Variants in TMEM184B observed in about 807,000 individuals in gnomAD.
TMEM184B encodes transmembrane protein 184B.
Under a neutral mutation model 41.8 loss-of-function variants are expected in TMEM184B, and 17 were observed. The ratio of observed to expected loss-of-function variants is 0.41; its 90% confidence interval spans 0.28 to 0.61. TMEM184B has a LOEUF of 0.61. Ranked by LOEUF, TMEM184B falls within the 20% of genes least tolerant of loss-of-function variation. The pLI is 0.34. For synonymous variants in TMEM184B, 240 were observed against 229.5 expected (o/e 1.05, Z -0.41); for missense variants, 393 against 557.8 (o/e 0.70, Z 2.98).
chr22:38,225,066 A>G lies in TMEM184B; in HGVS notation c.788-87T>C. The G allele has an allele frequency of 1.4e-6, 2 of 1,385,762 alleles. No individual in the cohort carries two copies. The highest frequency in any genetic ancestry group is 1.9e-6 in the Non-Finnish European group (2 of 1,038,004). The allele number at this position is 1,385,762 out of a possible 1,614,324, so 85.8% of individuals were successfully genotyped here. ...CACAATGCCCCATTCAGCTGCCCAC[A>G]TGCCCCAGTGAGGATGTGAGCAGGG... On this transcript the variant is annotated intron_variant, in intron 7 of 8. Coordinates refer to ENST00000361906, the MANE Select transcript of TMEM184B (RefSeq NM_012264.5). The surrounding 1 kb of genome is among the most constrained non-coding windows in gnomAD (Gnocchi z 4.4).
chr22:38,237,070 G>A (rs530148439), intron 3 of TMEM184B, among the ~76,000 whole-genome samples: 19 of 152,254 alleles, frequency 1.2e-4, no homozygotes, highest in Non-Finnish European at 2.6e-4. Context: ...GTAGGAAGCT[G>A]TAGGCCAAGA....
chr22:38,267,465 C>T (rs563359011), intron 1 of TMEM184B, among the ~76,000 whole-genome samples: 1 of 146,146 alleles, frequency 6.8e-6, no homozygotes, highest in African/African-American at 2.5e-5. Flanking sequence ...GATGGAGTTT[C>T]GCTGTCACCC....
intron 3 of TMEM184B, among the ~76,000 whole-genome samples, chr22:38,243,296 G>A (rs150628238): frequency 3.3e-5 from 5 of 152,318 alleles, no homozygotes; most frequent in Non-Finnish European, 4.4e-5. Flanking sequence ...ATCTGCTGCC[G>A]CCTCTGGGGC....
intron 1 of TMEM184B, among the ~76,000 whole-genome samples, chr22:38,248,477 CTG>C (rs1196092846): frequency 6.6e-6 from 1 of 152,234 alleles, no homozygotes; most frequent in African/African-American, 2.4e-5. Flanking sequence ...TTTGCACTGG[CTG>C]TCTCTGCTCA....
At chr22:38,218,019 C>T (rs1431075285), downstream of TMEM184B, among the ~76,000 whole-genome samples, 1 of 152,124 alleles carries the variant, frequency 6.6e-6, no homozygotes, top group Non-Finnish European at 1.5e-5. Context: ...CTTTAGTGAA[C>T]AGACAGTCCC....
At position 38,236,341 on chromosome 22, in the gene TMEM184B, G is replaced by A. The variant is rs567828796; in HGVS notation, c.359-5007C>T. 1.1e-3 allele frequency among the ~76,000 whole-genome samples: 169 copies of A among 152,292 alleles called. 2 individuals carry two copies. Among genetic ancestry groups the A allele is most frequent in the African/African-American group, 4.0e-3 (165 of 41,568 alleles). On this transcript the variant is annotated intron_variant, in intron 3 of 8. Transcript: ENST00000361906. ...CCAGGATGAACACAAAACAAGGACTGTGCTGGGGACGAGAAGACATCAGGG... is the reference window on the plus strand; with the variant it reads ...CCAGGATGAACACAAAACAAGGACTATGCTGGGGACGAGAAGACATCAGGG...
Position 38,220,145 on chromosome 22 carries a change from C to G in TMEM184B, c.*1324G>C. On this transcript the variant is annotated 3_prime_UTR_variant, in exon 9 of 9. Coordinates refer to ENST00000361906, the MANE Select transcript of TMEM184B (RefSeq NM_012264.5). ...GGGACACGTGTTGTGACACGAGGCT[C>G]TTCCTAAGTCAGGAGCTAGTATAAG... The G allele has an allele frequency of 1.0e-6, 1 of 985,390 alleles. No individual in the cohort carries two copies. The highest frequency in any genetic ancestry group is 4.7e-5 in the South Asian group (1 of 21,282). The allele number at this position is 985,390 out of a possible 1,614,324, so 61.0% of individuals were successfully genotyped here.
At chr22:38,224,691 C>G (rs1602363817) in intron 8 of TMEM184B, 94 bp downstream of exon 8, 2 of 1,321,654 alleles carry the variant, frequency 1.5e-6, no homozygotes, top group East Asian at 5.1e-5. Context: ...CTGACCCAGC[C>G]GCACCTGTAG....
rs543365477 is a variant in TMEM184B, at chr22:38,245,250, G to GCCC, written c.358+682_358+684dup. ...TCTACAAACAGACCACTTGCTTGCT[G>GCCC]CCCCCACCCTGCCTGAGACGCCAGC... On this transcript the variant is annotated intron_variant, in intron 3 of 8. Coordinates refer to ENST00000361906, the MANE Select transcript of TMEM184B (RefSeq NM_012264.5). Among the ~76,000 whole-genome samples the GCCC allele has an allele frequency of 3.0e-3, 460 of 152,312 alleles. 2 individuals carry two copies. Among genetic ancestry groups the GCCC allele is most frequent in the African/African-American group, 0.011 (447 of 41,548 alleles).
At chr22:38,227,323 G>C (rs1055533147) in intron 5 of TMEM184B, among the ~76,000 whole-genome samples, 3 of 152,122 alleles carry the variant, frequency 2.0e-5, no homozygotes, top group Non-Finnish European at 2.9e-5. Context: ...AGAGGGGGCA[G>C]CTTGCACCAA....
At chr22:38,247,523 C>T (rs1410332832) in intron 2 of TMEM184B, among the ~76,000 whole-genome samples, 1 of 152,220 alleles carries the variant, frequency 6.6e-6, no homozygotes, top group African/African-American at 2.4e-5. Context: ...TTGTTCCAAC[C>T]CACGAGACAG....
At position 38,221,163 on chromosome 22, in the gene TMEM184B, G is replaced by C; in HGVS notation, c.*306C>G. On this transcript the variant is annotated 3_prime_UTR_variant, in exon 9 of 9. Transcript: ENST00000361906. ...GTCCACACACAAGCATTGGGGCCTG[G>C]GTGCGGCTGGTCCCAGCATGCCCCC... The C allele has an allele frequency of 6.6e-6, 8 of 1,219,032 alleles. No individual in the cohort carries two copies. The highest frequency in any genetic ancestry group is 8.2e-6 in the Non-Finnish European group (8 of 974,776). The allele number at this position is 1,219,032 out of a possible 1,614,324, so 75.5% of individuals were successfully genotyped here. A position where few individuals can be genotyped will look rare whatever the true frequency, so the allele number is the denominator to read the frequency against.
intron 5 of TMEM184B, among the ~76,000 whole-genome samples, chr22:38,228,138 A>T (rs1489592090): frequency 6.6e-6 from 1 of 152,142 alleles, no homozygotes; most frequent in Non-Finnish European, 1.5e-5. Context: ...CCATACGGAG[A>T]GGCCCGCGTG....
chr22:38,238,345 C>G (rs1436000412), intron 3 of TMEM184B, among the ~76,000 whole-genome samples: 2 of 151,736 alleles, frequency 1.3e-5, no homozygotes, highest in Non-Finnish European at 2.9e-5. Flanking sequence ...CCTGCCTCAG[C>G]CTCCTGAGTA....
At chr22:38,230,186 C>T (rs5756981) in intron 5 of TMEM184B, among the ~76,000 whole-genome samples, 26,188 of 107,618 alleles carry the variant, frequency 0.24, 2,708 homozygotes, top group Middle Eastern at 0.34. Context: ...AGCGGCTGGA[C>T]TGCCAAGGCT....
chr22:38,269,626 G>A (rs945218914), intron 1 of TMEM184B, among the ~76,000 whole-genome samples: 17 of 152,184 alleles, frequency 1.1e-4, no homozygotes, highest in African/African-American at 4.1e-4. Flanking sequence ...GGGCCCAGGA[G>A]GTAGAAGCTG....
chr22:38,216,936 T>A (rs1239735893), downstream of TMEM184B, among the ~76,000 whole-genome samples: 5 of 152,112 alleles, frequency 3.3e-5, no homozygotes, highest in Non-Finnish European at 7.3e-5. Context: ...TTGTTCCAGC[T>A]ACTGAAGAGG....
At chr22:38,250,253 C>T (rs2092133075) in intron 1 of TMEM184B, among the ~76,000 whole-genome samples, 1 of 152,234 alleles carries the variant, frequency 6.6e-6, no homozygotes, top group Non-Finnish European at 1.5e-5. Flanking sequence ...GCCTGCACCC[C>T]GGCTCCTCGC....
At chr22:38,216,419 A>C (rs975941904), downstream of TMEM184B, 4 of 167,008 alleles carry the variant, frequency 2.4e-5, no homozygotes, top group African/African-American at 9.7e-5. Flanking sequence ...GAATTTATTT[A>C]TTTCCTGACT....
Sources: allele counts gnomAD v4.1 joint callset (sites outside exome capture counted in the v4.1 genomes callset), GRCh38; gene constraint gnomAD v4.1.1; non-coding constraint Gnocchi (gnomAD v3.1); transcripts MANE v1.5; gene names NCBI Gene and HGNC (gene_info 2026-07-23, HGNC 2026-07-21).